Variants in RARS2 observed in about 807,000 individuals in gnomAD.
RARS2 encodes probable arginine--tRNA ligase, mitochondrial.
RARS2 carries 67 observed loss-of-function variants against 88.5 expected under a neutral mutation model. The ratio of observed to expected loss-of-function variants is 0.76; its 90% confidence interval spans 0.62 to 0.93. The LOEUF (loss-of-function observed/expected upper bound fraction) is 0.93, where lower values mean the gene tolerates loss of function less well. Ranked by LOEUF, RARS2 falls within the 40% of genes least tolerant of loss-of-function variation. The pLI, the probability that RARS2 is intolerant of heterozygous loss-of-function variation, is 0.00. For missense variants in RARS2, 664 were observed against 684.2 expected, an observed-to-expected ratio of 0.97 and a Z score of 0.33; for synonymous variants, 239 against 230.3, an observed-to-expected ratio of 1.04 and a Z score of -0.34.
At chr6:87,571,885 C>T (rs939280079) in intron 1 of RARS2, among the ~76,000 whole-genome samples, 3 of 152,002 alleles carry the variant, frequency 2.0e-5, no homozygotes, top group Admixed American at 6.6e-5. Context: ...TTTAAAGTTT[C>T]CTCTCAGGGT....
At chr6:87,555,597 C>T (rs2128145519) in intron 4 of RARS2, 92 bp from the exon 5 acceptor site, 7 of 1,024,244 alleles carry the variant, frequency 6.8e-6, no homozygotes, top group Admixed American at 2.0e-5. Context: ...AATTTGTTCA[C>T]TCTAATTTAT....
chr6:87,518,466 G>A, intron 16 of RARS2, 164 bp downstream of exon 16: 2 of 1,355,520 alleles, frequency 1.5e-6, no homozygotes, highest in Non-Finnish European at 9.9e-7. Flanking sequence ...TAACATAGGT[G>A]CTCAATAAAT....
chr6:87,579,465 G>A (rs1330042220), intron 1 of RARS2, among the ~76,000 whole-genome samples: 2 of 152,010 alleles, frequency 1.3e-5, no homozygotes, highest in African/African-American at 4.8e-5. Flanking sequence ...CTTCTAGGCC[G>A]ATGCCCAACC....
In RARS2 at chr6:87,589,918, A is replaced by G. The variant is rs764668779; in HGVS notation, c.36+4T>C. ...GACTCCTCTGCGCGCTCCGGGATCC[A>G]TACCTGGCAAGCAATAGCGCGGCGA... is the stretch of plus-strand genomic sequence containing the variant. On this transcript the variant is annotated splice_donor_region_variant and intron_variant, in intron 1 of 19. Coordinates refer to ENST00000369536, the MANE Select transcript of RARS2 (RefSeq NM_020320.5). 8.1e-6 allele frequency: 13 copies of G among 1,614,108 alleles called. No individual in the cohort carries two copies. The Admixed American group carries it at 2.0e-4, about 25-fold the overall frequency.
chr6:87,555,452 T>C lies in RARS2; in HGVS notation c.351A>G (p.Glu117=). The C allele has an allele frequency of 1.2e-6, 2 of 1,614,036 alleles. No homozygotes were observed. The highest frequency in any genetic ancestry group is 1.7e-6 in the Non-Finnish European group (2 of 1,179,950). The change falls in exon 5 of 20, where the codon GAA becomes GAG. Residue 117 remains glutamate (E), a synonymous_variant. Coordinates refer to ENST00000369536, the MANE Select transcript of RARS2 (RefSeq NM_020320.5). ...EDGSKYGLKS[E]LFSGLPQKKI... is the part of the protein sequence containing the mutation. ...TCTTCTGGGGAAGTCCAGAGAAAAGTTCACTTTTTAATCCATATTTTGAGC... is the reference window on the plus strand; with the variant it reads ...TCTTCTGGGGAAGTCCAGAGAAAAGCTCACTTTTTAATCCATATTTTGAGC...
Position 87,564,228 on chromosome 6 carries a change from C to A in RARS2, c.115G>T (p.Val39Leu). Residue 39 changes from valine to leucine, a missense_variant, in exon 3 of 20, where the codon GTA becomes TTA. Physicochemically the swap from Val to Leu is conservative, Grantham distance 32. Coordinates refer to ENST00000369536, the MANE Select transcript of RARS2 (RefSeq NM_020320.5). ...SAVPISQKEE[V>L]ADFQLSVDSL... ...TCCACAGAAAGCTGAAAATCAGCTA[C>A]TTCTCTAAAGACAGACATCGAAACG... 1 of 1,605,838 alleles carries A rather than the reference C, an allele frequency of 6.2e-7. No individual in the cohort carries two copies. Among genetic ancestry groups the A allele is most frequent in the Non-Finnish European group, 8.5e-7 (1 of 1,172,702 alleles).
In RARS2 at chr6:87,518,197, A is replaced by C; in HGVS notation, c.1483T>G (p.Ser495Ala). ...AGAAGATGCTGAAGAATTGAAACAG[A>C]CTGTGGCTCTTGTAAACAAGCAGTG... Reference protein sequence around the residue: ...FNTACLQEPQSVSILQHLLRF... With the variant: ...FNTACLQEPQAVSILQHLLRF... Residue 495 changes from serine (S) to alanine (A), a missense_variant, in exon 17 of 20, where the codon TCT becomes GCT. By Grantham distance (99) the Ser-to-Ala change is moderately conservative. Transcript: ENST00000369536. 1 of 1,614,200 alleles carries C rather than the reference A, an allele frequency of 6.2e-7. No homozygotes were observed. Among genetic ancestry groups the C allele is most frequent in the Non-Finnish European group, 8.5e-7 (1 of 1,180,026 alleles).
intron 11 of RARS2, among the ~76,000 whole-genome samples, chr6:87,521,783 A>G (rs1397678954): frequency 1.3e-5 from 2 of 152,184 alleles, no homozygotes; most frequent in Non-Finnish European, 2.9e-5. Context: ...TTAATACATA[A>G]AAGTTCTACA....
intron 18 of RARS2, 54 bp downstream of exon 18, chr6:87,516,752 A>C: frequency 6.2e-7 from 1 of 1,603,250 alleles, no homozygotes; most frequent in Non-Finnish European, 8.5e-7. Flanking sequence ...CCTTTAGATG[A>C]AAGAAAGGTC....
At chr6:87,528,774 CAGG>C (rs1008907347) in intron 10 of RARS2, among the ~76,000 whole-genome samples, 1 of 152,082 alleles carries the variant, frequency 6.6e-6, no homozygotes, top group African/African-American at 2.4e-5. Flanking sequence ...TTTAGGTAAA[CAGG>C]AGGAGTAAGT....
At chr6:87,545,131 C>T (rs1191539963) in intron 7 of RARS2, among the ~76,000 whole-genome samples, 2 of 152,246 alleles carry the variant, frequency 1.3e-5, no homozygotes, top group East Asian at 3.8e-4. Flanking sequence ...CAAGGTCCTG[C>T]TCTGTCAACC....
At chr6:87,527,531 CA>C (rs532742777) in intron 10 of RARS2, among the ~76,000 whole-genome samples, 87 of 152,004 alleles carry the variant, frequency 5.7e-4, no homozygotes, top group African/African-American at 1.9e-3. Context: ...GCATAGGCAA[CA>C]AAAGCAAAAA....
chr6:87,586,105 C>G (rs1384165547), intron 1 of RARS2, among the ~76,000 whole-genome samples: 1 of 152,012 alleles, frequency 6.6e-6, no homozygotes, highest in Non-Finnish European at 1.5e-5. Context: ...TTTCTTGATA[C>G]ATGGAGAATG....
chr6:87,532,038 T>C (rs1022605376), intron 8 of RARS2, among the ~76,000 whole-genome samples: 1 of 151,914 alleles, frequency 6.6e-6, no homozygotes, highest in African/African-American at 2.4e-5. Flanking sequence ...TAGGAAAAAA[T>C]GATTTTATTG....
intron 8 of RARS2, among the ~76,000 whole-genome samples, chr6:87,536,390 A>G (rs1322481227): frequency 6.6e-6 from 1 of 152,088 alleles, no homozygotes; most frequent in Non-Finnish European, 1.5e-5. Flanking sequence ...TAATCCCAGC[A>G]TTTTGTGAGG....
intron 1 of RARS2, among the ~76,000 whole-genome samples, chr6:87,575,047 C>A (rs964804296): frequency 6.8e-6 from 1 of 147,402 alleles, no homozygotes; most frequent in Admixed American, 7.0e-5. Context: ...AGGTAGACTG[C>A]TTCCCTAGCA....
chr6:87,554,984 G>A (rs1785381381), intron 5 of RARS2, among the ~76,000 whole-genome samples: 1 of 151,932 alleles, frequency 6.6e-6, no homozygotes, highest in Non-Finnish European at 1.5e-5. Context: ...GGCGCCTGTA[G>A]TCCCAGCTAC....
At chr6:87,530,972 T>A in intron 8 of RARS2, 30 bp from the exon 9 acceptor site, 1 of 1,612,974 alleles carries the variant, frequency 6.2e-7, no homozygotes, top group Non-Finnish European at 8.5e-7. Flanking sequence ...TTAAATGAAG[T>A]ACATAACAGG....
rs1477182547 is a variant in RARS2, at chr6:87,576,278, T to TC, written c.37-6689_37-6688insG. Reference sequence around the variant, plus strand: ...AGGTATAATAAACACAAATTTCTTTTTTTTTTTTTTTTTTTTGAGACGGAG... The same window carrying TC: ...AGGTATAATAAACACAAATTTCTTTTCTTTTTTTTTTTTTTTTGAGACGGAG... On this transcript the variant is annotated intron_variant, in intron 1 of 19. Transcript: ENST00000369536. Among the ~76,000 whole-genome samples, 2 of 94,288 alleles carry TC rather than the reference T, an allele frequency of 2.1e-5. 1 individual carries two copies. Among genetic ancestry groups the TC allele is most frequent in the African/African-American group, 8.6e-5 (2 of 23,284 alleles). 61.9% of individuals were successfully genotyped at this position (94,288 alleles called of 152,430 possible). A position where few individuals can be genotyped will look rare whatever the true frequency, so the allele number is the denominator to read the frequency against.
Sources: gnomAD v4.1 joint callset for allele counts (sites outside exome capture counted in the v4.1 genomes callset) on GRCh38, gnomAD v4.1.1 for gene constraint, MANE v1.5 for transcripts, NCBI Gene and HGNC (gene_info 2026-07-23, HGNC 2026-07-21) for gene names.